The following PCDHGB7 variants were observed in gnomAD, a reference collection of about 807,000 sequenced individuals.
The protein encoded by PCDHGB7 is protocadherin gamma-B7.
In PCDHGB7, 37 loss-of-function variants were observed where a neutral mutation model predicts 61.4. That is an observed-to-expected ratio of 0.60 (90% CI 0.46 to 0.79). The LOEUF (loss-of-function observed/expected upper bound fraction) is 0.79. PCDHGB7 is among the 30% of genes least tolerant of loss of function. The pLI is 0.00. For missense variants in PCDHGB7, 1,166 were observed against 1,202.5 expected, an observed-to-expected ratio of 0.97 and a Z score of 0.45; for synonymous variants, 464 against 503.5, an observed-to-expected ratio of 0.92 and a Z score of 1.05.
chr5:141,444,240 C>T (rs1017550385), intron 1 of PCDHGB7, among the ~76,000 whole-genome samples: 4 of 128,690 alleles, frequency 3.1e-5, no homozygotes, highest in African/African-American at 5.9e-5. Context: ...GGCATGCTCT[C>T]GGCTCACTGC....
At position 141,419,592 on chromosome 5, in the gene PCDHGB7, T is replaced by C. The variant is rs1561782617; in HGVS notation, c.1733T>C (p.Val578Ala). Residue 578 changes from valine to alanine, a missense_variant, in exon 1 of 4, where the codon GTG becomes GCG. By Grantham distance (64) the Val-to-Ala change is moderately conservative. Transcript: ENST00000398594. The stretch of plus-strand genomic sequence containing the variant: ...GACGGCTCCGCGCTCTTCGACACAG[T>C]GCCGCGGGCCGCGCAGCCAGGCTAC... ...GPDGSALFDT[V>A]PRAAQPGYLV... is the part of the protein sequence containing the mutation. 1 of 1,611,670 alleles carries C rather than the reference T, an allele frequency of 6.2e-7. No individual in the cohort carries two copies.
rs2099883868 is a variant in PCDHGB7 at position 141,511,590 on chromosome 5, A to G, written c.*417A>G. On this transcript the variant is annotated 3_prime_UTR_variant, in exon 4 of 4. Transcript: ENST00000398594. The stretch of plus-strand genomic sequence containing the variant: ...AGTAAGGTGGTTGGGGTGTTGAAGT[A>G]CCAAGTAACCTACAAGCCTCCTAGT... 3.7e-6 allele frequency: 1 copy of G among 267,908 alleles called. No individual in the cohort carries two copies. The highest frequency in any genetic ancestry group is 7.4e-6 in the Non-Finnish European group (1 of 135,038). 16.6% of individuals were successfully genotyped at this position (267,908 alleles called of 1,614,324 possible). A position where few individuals can be genotyped will look rare whatever the true frequency, so the allele number is the denominator to read the frequency against.
intron 1 of PCDHGB7, among the ~76,000 whole-genome samples, chr5:141,448,117 A>G (rs564444141): frequency 6.6e-6 from 1 of 152,094 alleles, no homozygotes; most frequent in Non-Finnish European, 1.5e-5. Flanking sequence ...AAAGAAAATT[A>G]GCCTCCCCCA....
intron 1 of PCDHGB7, chr5:141,428,075 A>G (rs1427780901): frequency 5.0e-6 from 8 of 1,609,154 alleles, no homozygotes; most frequent in Non-Finnish European, 4.2e-6. Context: ...CAGATTCGGG[A>G]CACAACGCTT....
At chr5:141,464,400 G>GAGATATATATATATCTATATATAT (rs2099082782) in intron 1 of PCDHGB7, among the ~76,000 whole-genome samples, 3 of 151,366 alleles carry the variant, frequency 2.0e-5, no homozygotes, top group African/African-American at 4.9e-5. Context: ...TGAAGAACCT[G>GAGATATATATATATCTATATATAT]AGATATATAT....
intron 3 of PCDHGB7, among the ~76,000 whole-genome samples, chr5:141,506,198 C>T (rs985517638): frequency 3.3e-5 from 5 of 152,156 alleles, no homozygotes; most frequent in Admixed American, 6.5e-5. Context: ...CGCCTGTAAT[C>T]CCAGCACTTT....
rs1210691847 is a variant in PCDHGB7, at chr5:141,432,985, C to T, written c.2415+12711C>T. The stretch of plus-strand genomic sequence containing the variant: ...GAGCGCCGGCGTCGCACTTTGTGGG[C>T]GTGGACGGGGTGCAGGCTTTCCTGC... On this transcript the variant is annotated intron_variant, in intron 1 of 3. Transcript: ENST00000398594. The surrounding 1 kb of genome is among the most constrained non-coding windows in gnomAD (Gnocchi z 6.0). The T allele has an allele frequency of 3.1e-6, 5 of 1,614,176 alleles. No individual in the cohort carries two copies. The highest frequency in any genetic ancestry group is 4.2e-6 in the Non-Finnish European group (5 of 1,180,034).
Position 141,491,030 on chromosome 5 carries a change from C to T in PCDHGB7, c.2416-3777C>T. ...GTCACCAAGGTGACAGCCGTGGATG[C>T]TGATGCAGGCCACAATGCGTGGCTC... On this transcript the variant is annotated intron_variant, in intron 1 of 3. Transcript: ENST00000398594. The surrounding 1 kb of genome is among the most constrained non-coding windows in gnomAD (Gnocchi z 6.9). 6.2e-7 allele frequency: 1 copy of T among 1,614,148 alleles called. No individual in the cohort carries two copies. Among genetic ancestry groups the T allele is most frequent in the South Asian group, 1.1e-5 (1 of 91,088 alleles).
At chr5:141,423,562 AC>A in intron 1 of PCDHGB7, 1 of 1,613,612 alleles carries the variant, frequency 6.2e-7, no homozygotes, top group Non-Finnish European at 8.5e-7. Flanking sequence ...CTATGGGGAC[AC>A]GCTCATCAGC....
chr5:141,444,152 ATTTTTTTTTTTTTTTTTTTTTTTTT>A (rs747671382), intron 1 of PCDHGB7, among the ~76,000 whole-genome samples: 1 of 33,882 alleles, frequency 3.0e-5, no homozygotes, highest in Non-Finnish European at 5.2e-5. Context: ...TGTGTACTGG[ATTTTTTTTTTTTTTTTTTTTTTTTT>A]TTTTTTTTTT....
Position 141,476,745 on chromosome 5 carries a change from T to C in PCDHGB7, c.2416-18062T>C, listed in dbSNP as rs1372622323. 6.2e-7 allele frequency: 1 copy of C among 1,613,958 alleles called. No individual in the cohort carries two copies. On this transcript the variant is annotated intron_variant, in intron 1 of 3. Coordinates refer to ENST00000398594, the MANE Select transcript of PCDHGB7 (RefSeq NM_018927.4). This position sits in a 1 kb window ranked among gnomAD's most constrained non-coding sequence, Gnocchi z 7.6. The stretch of plus-strand genomic sequence containing the variant: ...CTGGACCGAGAACGGGAGCCTAGTC[T>C]CCAGTTAGTGCTGACGGCGTTGGAC...
intron 1 of PCDHGB7, among the ~76,000 whole-genome samples, chr5:141,467,017 C>T (rs1036255706): frequency 4.0e-5 from 6 of 151,156 alleles, no homozygotes; most frequent in African/African-American, 1.5e-4. Context: ...AATTTTTTTC[C>T]CTTTGTTTTT....
chr5:141,433,883 G>A (rs1051019240), intron 1 of PCDHGB7, among the ~76,000 whole-genome samples: 1 of 149,932 alleles, frequency 6.7e-6, no homozygotes, highest in Non-Finnish European at 1.5e-5. Flanking sequence ...ATCCATTGAT[G>A]ACACTTGCTT....
chr5:141,442,720 T>C (rs941034636), intron 1 of PCDHGB7, among the ~76,000 whole-genome samples: 1 of 152,202 alleles, frequency 6.6e-6, no homozygotes, highest in Non-Finnish European at 1.5e-5. Flanking sequence ...GCCAGAGCAT[T>C]TGGGGCCTGT....
chr5:141,475,908 A>G (rs531350638), intron 1 of PCDHGB7: 110 of 585,688 alleles, frequency 1.9e-4, no homozygotes, highest in Non-Finnish European at 2.5e-4. Context: ...CTGTCGGCCA[A>G]TGAAGACGCT....
intron 1 of PCDHGB7, 26 bp downstream of exon 1, chr5:141,420,300 C>T (rs773892933): frequency 1.6e-5 from 24 of 1,467,248 alleles, no homozygotes; most frequent in African/African-American, 2.8e-5. Context: ...TGTATTTAAT[C>T]CTTTTTATAT....
intron 1 of PCDHGB7, chr5:141,423,923 G>C: frequency 8.0e-7 from 1 of 1,254,744 alleles, no homozygotes; most frequent in Non-Finnish European, 1.0e-6. Flanking sequence ...CAACTATGCT[G>C]GTTTGGTTTG....
In PCDHGB7 at chr5:141,432,645, C is replaced by T. The variant is rs758701539; in HGVS notation, c.2415+12371C>T. On this transcript the variant is annotated intron_variant, in intron 1 of 3. Coordinates refer to ENST00000398594, the MANE Select transcript of PCDHGB7 (RefSeq NM_018927.4). The surrounding 1 kb of genome is among the most constrained non-coding windows in gnomAD (Gnocchi z 6.0). Reference sequence around the variant, plus strand: ...CTGCACACGGGCGAGGTGCGCACGGCGCGAGCCCTGCTGGACAGAGACGCG... The same window carrying T: ...CTGCACACGGGCGAGGTGCGCACGGTGCGAGCCCTGCTGGACAGAGACGCG... 1 of 1,613,746 alleles carries T rather than the reference C, an allele frequency of 6.2e-7. No homozygotes were observed. Among genetic ancestry groups the T allele is most frequent in the Admixed American group, 1.7e-5 (1 of 60,006 alleles).
chr5:141,468,330 C>CAAAAAAAAAAA (rs533390277), intron 1 of PCDHGB7: 4 of 79,798 alleles, frequency 5.0e-5, no homozygotes, highest in Non-Finnish European at 1.1e-4. Flanking sequence ...AACTCCATCT[C>CAAAAAAAAAAA]AAAAAAAAAA....
Sources: gnomAD v4.1 joint callset for allele counts (sites outside exome capture counted in the v4.1 genomes callset) on GRCh38, gnomAD v4.1.1 for gene constraint, Gnocchi (gnomAD v3.1) non-coding constraint, MANE v1.5 for transcripts, NCBI Gene and HGNC (gene_info 2026-07-23, HGNC 2026-07-21) for gene names.